The following PRKN variants were observed in gnomAD, a reference collection of about 807,000 sequenced individuals.
PRKN encodes the protein E3 ubiquitin-protein ligase parkin.
A neutral mutation model predicts 59.5 loss-of-function variants in PRKN; 56 were observed. The ratio of observed to expected loss-of-function variants is 0.94; its 90% CI spans 0.76 to 1.18. The LOEUF (loss-of-function observed/expected upper bound fraction) is 1.18. Among genes scored for constraint, PRKN ranks in the 50% most tolerant of loss-of-function variants. PRKN has a pLI of 0.00. For missense variants in PRKN, 657 were observed against 596.4 expected (o/e 1.10, Z -1.06); for synonymous variants, 250 against 222.1 (o/e 1.13, Z -1.12).
chr6:161,744,625 A>C (rs1420003796), intron 7 of PRKN, among the ~76,000 whole-genome samples: 1 of 152,230 alleles, frequency 6.6e-6, no homozygotes, highest in Non-Finnish European at 1.5e-5. Flanking sequence ...AACATGGTCA[A>C]GGACCCAAAG....
At chr6:162,258,919 C>A (rs764865237) in intron 3 of PRKN, among the ~76,000 whole-genome samples, 1 of 152,160 alleles carries the variant, frequency 6.6e-6, no homozygotes, top group Admixed American at 6.5e-5. Context: ...CTTTTGCCAA[C>A]TAAAAATACT....
intron 4 of PRKN, among the ~76,000 whole-genome samples, chr6:162,154,813 T>A (rs1304304042): frequency 6.6e-6 from 1 of 152,068 alleles, no homozygotes; most frequent in African/African-American, 2.4e-5. Flanking sequence ...TAGGAAGCCA[T>A]GATTTTTATT....
At chr6:161,974,004 C>T (rs1392020522) in intron 5 of PRKN, among the ~76,000 whole-genome samples, 1 of 152,226 alleles carries the variant, frequency 6.6e-6, no homozygotes, top group Non-Finnish European at 1.5e-5. Context: ...CGTTGGCTCG[C>T]GCCTGTAATC....
At chr6:162,549,050 C>A (rs192732279) in intron 1 of PRKN, among the ~76,000 whole-genome samples, 16 of 152,152 alleles carry the variant, frequency 1.1e-4, no homozygotes, top group African/African-American at 1.7e-4. Flanking sequence ...TCCTGCCCCC[C>A]CAAGATGATG....
chr6:162,087,577 A>G (rs1216281767), intron 4 of PRKN, among the ~76,000 whole-genome samples: 1 of 147,862 alleles, frequency 6.8e-6, no homozygotes, highest in East Asian at 2.0e-4. Flanking sequence ...ACAGGTGCTT[A>G]GAGAATAATT....
At chr6:161,524,531 G>GTATAT in intron 9 of PRKN, among the ~76,000 whole-genome samples, 1 of 151,870 alleles carries the variant, frequency 6.6e-6, no homozygotes, top group African/African-American at 2.4e-5. Flanking sequence ...AGTATATTTG[G>GTATAT]TAGAAACGGG....
chr6:162,115,419 G>A (rs1434779565), intron 4 of PRKN, among the ~76,000 whole-genome samples: 7 of 151,724 alleles, frequency 4.6e-5, no homozygotes, highest in Non-Finnish European at 8.8e-5. Flanking sequence ...TGGGTGCAGC[G>A]CACCAGCAAG....
At chr6:162,057,973 T>C (rs1332457640) in intron 4 of PRKN, among the ~76,000 whole-genome samples, 4 of 152,234 alleles carry the variant, frequency 2.6e-5, no homozygotes, top group Admixed American at 6.5e-5. Flanking sequence ...ACAAATTACA[T>C]GGCAAATTGC....
intron 3 of PRKN, among the ~76,000 whole-genome samples, chr6:162,236,803 A>G (rs1052226379): frequency 2.6e-5 from 4 of 151,582 alleles, no homozygotes; most frequent in Non-Finnish European, 5.9e-5. Flanking sequence ...TCGAAAAAAG[A>G]AAGAAAGAGA....
intron 7 of PRKN, among the ~76,000 whole-genome samples, chr6:161,754,259 C>T (rs1196463932): frequency 2.0e-5 from 3 of 151,960 alleles, no homozygotes; most frequent in African/African-American, 7.3e-5. Context: ...TCAGGAGGAA[C>T]GTGCTGATCT....
chr6:161,666,127 A>T (rs903373299), intron 7 of PRKN, among the ~76,000 whole-genome samples: 1 of 152,066 alleles, frequency 6.6e-6, no homozygotes, highest in Non-Finnish European at 1.5e-5. Context: ...ATAAATTACA[A>T]TATCTATTTT....
intron 1 of PRKN, among the ~76,000 whole-genome samples, chr6:162,685,055 A>G (rs1363171190): frequency 6.6e-6 from 1 of 152,196 alleles, no homozygotes. Context: ...ACATGTTCCT[A>G]ACCATGTACA....
intron 2 of PRKN, among the ~76,000 whole-genome samples, chr6:162,318,991 T>C (rs1782869280): frequency 6.6e-6 from 1 of 152,028 alleles, no homozygotes; most frequent in Non-Finnish European, 1.5e-5. Flanking sequence ...GACTGGTAGG[T>C]AATACACCAA....
intron 9 of PRKN, among the ~76,000 whole-genome samples, chr6:161,492,087 C>T (rs1316825045): frequency 2.6e-5 from 4 of 152,182 alleles, no homozygotes; most frequent in Non-Finnish European, 5.9e-5. Context: ...TGTTAGCTGT[C>T]ATCCATCTCG....
At chr6:161,762,416 G>T (rs4634431) in intron 7 of PRKN, among the ~76,000 whole-genome samples, 2,981 of 152,220 alleles carry the variant, frequency 0.02, 67 homozygotes, top group South Asian at 0.07. Context: ...ACCCAGAAGG[G>T]TTAAGTCAGG....
chr6:162,025,382 G>A (rs1783391553), intron 5 of PRKN, among the ~76,000 whole-genome samples: 2 of 151,800 alleles, frequency 1.3e-5, no homozygotes, highest in African/African-American at 2.4e-5. Context: ...ATCTGCAAAG[G>A]TACTTTTGTT....
In PRKN at chr6:161,549,470, C is replaced by T. The variant is rs7739304; in HGVS notation, c.934-467G>A. ...AAGGTTTTATATTTATTTTGAAAAT[C>T]GGCCCAGCATTCCACCTCATAATAT... On this transcript the variant is annotated intron_variant, in intron 8 of 11. Transcript: ENST00000366898. The surrounding 1 kb of genome is among the most constrained non-coding windows in gnomAD (Gnocchi z 6.0). Among the ~76,000 whole-genome samples the T allele has an allele frequency of 2.6e-5, 4 of 152,068 alleles. No individual in the cohort carries two copies. Among genetic ancestry groups the T allele is most frequent in the East Asian group, 1.9e-4 (1 of 5,196 alleles).
chr6:161,747,944 C>T (rs542828714), intron 7 of PRKN, among the ~76,000 whole-genome samples: 3 of 152,118 alleles, frequency 2.0e-5, no homozygotes, highest in Non-Finnish European at 2.9e-5. Flanking sequence ...GAAAATATAA[C>T]CTAAATGAGG....
intron 1 of PRKN, among the ~76,000 whole-genome samples, chr6:162,591,892 G>GA (rs57079805): frequency 0.15 from 18,732 of 126,888 alleles, 1,352 homozygotes; most frequent in Middle Eastern, 0.24. Context: ...TGAACTGCTA[G>GA]AAAAAAAAAA....
Sources: allele counts gnomAD v4.1 joint callset (sites outside exome capture counted in the v4.1 genomes callset), GRCh38; gene constraint gnomAD v4.1.1; non-coding constraint Gnocchi (gnomAD v3.1); transcripts MANE v1.5; gene names NCBI Gene and HGNC (gene_info 2026-07-23, HGNC 2026-07-21).